The following PHEX variants were observed in gnomAD, a reference collection of about 807,000 sequenced individuals.
The protein encoded by PHEX is phosphate-regulating neutral endopeptidase PHEX.
Under a neutral mutation model 68.0 loss-of-function variants are expected in PHEX, and 16 were observed. That is an observed-to-expected ratio of 0.24 (90% CI 0.16 to 0.36). PHEX has a LOEUF of 0.36. Among genes scored for constraint, PHEX ranks in the 10% least tolerant of loss-of-function variants. The pLI is 1.00. For synonymous variants in PHEX, 208 were observed against 205.1 expected (o/e 1.01, Z -0.12); for missense variants, 480 against 575.5 (o/e 0.83, Z 1.70).
chrX:22,110,656 C>T (rs1486365429), intron 9 of PHEX, among the ~76,000 whole-genome samples: 1 of 100,013 alleles, frequency 1.0e-5, no homozygotes, highest in Non-Finnish European at 2.0e-5. Context: ...TTTGTAGGGA[C>T]ATGGATGAAG....
chrX:22,054,217 C>T (rs1266478567), intron 3 of PHEX, among the ~76,000 whole-genome samples: 1 of 111,713 alleles, frequency 9.0e-6, no homozygotes, highest in Non-Finnish European at 1.9e-5. Flanking sequence ...TCACTGCAAC[C>T]TCCACTTCCC....
At chrX:22,230,974 G>A (rs1007175195) in intron 20 of PHEX, among the ~76,000 whole-genome samples, 5 of 111,926 alleles carry the variant, frequency 4.5e-5, no homozygotes, top group African/African-American at 9.8e-5. Context: ...TTTACTGAGA[G>A]TTTTTAGCAT....
At chrX:22,056,466 C>T (rs898834441) in intron 3 of PHEX, among the ~76,000 whole-genome samples, 8 of 110,614 alleles carry the variant, frequency 7.2e-5, no homozygotes. Context: ...TAGCAAGAGG[C>T]ATTGTGTTAG....
At chrX:22,138,714 GA>G (rs1244647771) in intron 12 of PHEX, among the ~76,000 whole-genome samples, 2 of 112,151 alleles carry the variant, frequency 1.8e-5, no homozygotes, top group Non-Finnish European at 3.8e-5. Context: ...AAAAGAAACA[GA>G]AGGGCTTTCA....
intron 9 of PHEX, among the ~76,000 whole-genome samples, chrX:22,106,001 G>T (rs376599901): frequency 8.9e-6 from 1 of 111,934 alleles, no homozygotes; most frequent in Admixed American, 9.5e-5. Flanking sequence ...TGTGGTGGGT[G>T]CTCTTTTGAG....
intron 12 of PHEX, among the ~76,000 whole-genome samples, chrX:22,145,163 C>T (rs984108560): frequency 3.6e-5 from 4 of 111,964 alleles, no homozygotes; most frequent in Non-Finnish European, 7.5e-5. Context: ...CTGATCCTTT[C>T]ATTTGAACTT....
intron 2 of PHEX, among the ~76,000 whole-genome samples, chrX:22,044,440 G>A (rs775949114): frequency 3.6e-5 from 4 of 111,706 alleles, no homozygotes; most frequent in East Asian, 5.6e-4. Flanking sequence ...GGCCGGGCAC[G>A]GTGGCTCACG....
chrX:22,079,013 T>C (rs776346262), intron 5 of PHEX, among the ~76,000 whole-genome samples: 2 of 112,260 alleles, frequency 1.8e-5, no homozygotes, highest in East Asian at 5.6e-4. Flanking sequence ...CTGTACTGTG[T>C]TGATATATCA....
chrX:22,126,467 C>A (rs1931726671), intron 11 of PHEX, among the ~76,000 whole-genome samples: 1 of 111,797 alleles, frequency 8.9e-6, no homozygotes, highest in Non-Finnish European at 1.9e-5. Flanking sequence ...CTAATCCCTC[C>A]TTAAAGCAAT....
chrX:22,087,404 G>A (rs529602129), intron 5 of PHEX, among the ~76,000 whole-genome samples: 1 of 110,945 alleles, frequency 9.0e-6, no homozygotes, highest in South Asian at 3.8e-4. Context: ...AATGAGAGAG[G>A]GTTGAACAAA....
intron 18 of PHEX, among the ~76,000 whole-genome samples, chrX:22,222,372 A>C (rs1311257316): frequency 8.9e-6 from 1 of 112,046 alleles, no homozygotes; most frequent in Non-Finnish European, 1.9e-5. Context: ...TTCTAGAGTC[A>C]GACATGGGTC....
At chrX:22,135,145 C>T (rs991430091) in intron 12 of PHEX, among the ~76,000 whole-genome samples, 27 of 111,620 alleles carry the variant, frequency 2.4e-4, no homozygotes, top group African/African-American at 6.8e-4. Context: ...GGCAAGGCAG[C>T]GTTGGAGGAA....
At chrX:22,230,831 A>G (rs750234110) in intron 20 of PHEX, among the ~76,000 whole-genome samples, 53 of 111,741 alleles carry the variant, frequency 4.7e-4, no homozygotes, top group African/African-American at 1.5e-3. Context: ...AGGAGTGGTG[A>G]GAGAGGGCAT....
At chrX:22,240,653 CAAAG>C (rs36161149) in intron 20 of PHEX, among the ~76,000 whole-genome samples, 35,799 of 109,830 alleles carry the variant, frequency 0.33, 4,784 homozygotes, top group African/African-American at 0.46. Context: ...TCAAAAGAGA[CAAAG>C]AAAGAAGAGC....
At chrX:22,192,780 G>A (rs1407108890) in intron 15 of PHEX, among the ~76,000 whole-genome samples, 3 of 111,848 alleles carry the variant, frequency 2.7e-5, no homozygotes, top group African/African-American at 9.7e-5. Flanking sequence ...CCAGTCTGCC[G>A]TGGGTCCTCC....
chrX:22,091,283 G>C (rs905894672), intron 6 of PHEX, among the ~76,000 whole-genome samples: 3 of 111,603 alleles, frequency 2.7e-5, no homozygotes, highest in African/African-American at 9.8e-5. Context: ...CTTCCTAAAA[G>C]TGGACAGAAT....
Position 22,178,385 on chromosome X carries a change from TAAAC to T in PHEX, c.1586+13_1586+16del, listed in dbSNP as rs1382237264. On this transcript the variant is annotated intron_variant, in intron 14 of 21. Coordinates refer to ENST00000379374, the MANE Select transcript of PHEX (RefSeq NM_000444.6). ...GCCGTTCCAAAAACAGAGTGAGTAT[TAAAC>T]AAAAAAAGTTAAATAGATAAATACA... 1 of 1,091,677 alleles carries T rather than the reference TAAAC, an allele frequency of 9.2e-7. No individual in the cohort carries two copies. Among genetic ancestry groups the T allele is most frequent in the South Asian group, 1.9e-5 (1 of 54,026 alleles). 90.0% of individuals were successfully genotyped at this position (1,091,677 alleles called of 1,213,427 possible).
intron 9 of PHEX, 125 bp from the exon 10 acceptor site, chrX:22,111,342 C>T (rs1012242079): frequency 1.0e-4 from 60 of 592,617 alleles, no homozygotes; most frequent in Non-Finnish European, 1.7e-4. Flanking sequence ...AGTGAAAGTT[C>T]TGCATTTTTG....
At chrX:22,222,594 G>A (rs749956498) in intron 18 of PHEX, among the ~76,000 whole-genome samples, 48 of 111,552 alleles carry the variant, frequency 4.3e-4, no homozygotes, top group Non-Finnish European at 6.6e-4. Flanking sequence ...CTGATCCTTC[G>A]TGACATACTC....
Sources: allele counts gnomAD v4.1 joint callset (sites outside exome capture counted in the v4.1 genomes callset), GRCh38; gene constraint gnomAD v4.1.1; transcripts MANE v1.5; gene names NCBI Gene and HGNC (gene_info 2026-07-23, HGNC 2026-07-21).